The following PPP1R1C variants were observed in gnomAD, a reference collection of about 807,000 sequenced individuals.
The protein encoded by PPP1R1C is protein phosphatase 1 regulatory inhibitor subunit 1C.
Under a neutral mutation model 17.4 loss-of-function variants are expected in PPP1R1C, and 15 were observed. That is an observed-to-expected ratio of 0.86 (90% CI 0.58 to 1.33). PPP1R1C has a LOEUF of 1.33. PPP1R1C is among the 40% of genes most tolerant of loss of function. The probability of loss-of-function intolerance (pLI) is 0.00; values close to 1 mark genes in which losing one functional copy is unlikely to be tolerated. For synonymous variants in PPP1R1C, 35 were observed against 43.1 expected, an observed-to-expected ratio of 0.81 and a Z score of 0.73; for missense variants, 143 against 130.0, an observed-to-expected ratio of 1.10 and a Z score of -0.48.
intron 2 of PPP1R1C, among the ~76,000 whole-genome samples, chr2:182,010,994 C>G (rs1423363831): frequency 6.6e-6 from 1 of 152,072 alleles, no homozygotes; most frequent in Non-Finnish European, 1.5e-5. Flanking sequence ...GATGAATAAT[C>G]TTTTTAATGT....
At chr2:182,080,135 A>T (rs1688431487) in intron 4 of PPP1R1C, among the ~76,000 whole-genome samples, 1 of 152,258 alleles carries the variant, frequency 6.6e-6, no homozygotes, top group Admixed American at 6.5e-5. Context: ...CTGTTGCAGA[A>T]GTTTTAGTTA....
At chr2:182,068,771 T>C (rs572172650) in intron 4 of PPP1R1C, among the ~76,000 whole-genome samples, 1 of 152,334 alleles carries the variant, frequency 6.6e-6, no homozygotes, top group African/African-American at 2.4e-5. Context: ...TTTGGGGTGC[T>C]ATAGCAGATT....
intron 2 of PPP1R1C, among the ~76,000 whole-genome samples, chr2:181,975,567 A>G (rs1200076880): frequency 1.3e-5 from 2 of 152,112 alleles, no homozygotes; most frequent in Non-Finnish European, 2.9e-5. Context: ...AGAAAGAATT[A>G]ACAAAGCTAA....
intron 2 of PPP1R1C, among the ~76,000 whole-genome samples, chr2:181,993,579 A>G (rs1685528837): frequency 6.6e-6 from 1 of 152,338 alleles, no homozygotes; most frequent in South Asian, 2.1e-4. Flanking sequence ...AAAATGGTCC[A>G]GTGTTTGAAG....
At position 182,002,927 on chromosome 2, in the gene PPP1R1C, AC is replaced by A. The variant is rs200353111; in HGVS notation, c.142+15030del. The stretch of plus-strand genomic sequence containing the variant: ...CATACCACCAAGAGTGATGCCATAA[AC>A]CTCCCCCCCCCCACAACCCTGAAAT... On this transcript the variant is annotated intron_variant, in intron 2 of 4. Transcript: ENST00000682840. Among the ~76,000 whole-genome samples, 9 of 90,920 alleles carry A rather than the reference AC, an allele frequency of 9.9e-5. 1 individual carries two copies. The highest frequency in any genetic ancestry group is 5.3e-4 in the Admixed American group (5 of 9,472). 59.6% of individuals were successfully genotyped at this position (90,920 alleles called of 152,430 possible). A position where few individuals can be genotyped will look rare whatever the true frequency, so the allele number is the denominator to read the frequency against.
At chr2:182,124,304 G>GT (rs1177517439) in intron 5 of PPP1R1C, among the ~76,000 whole-genome samples, 1,406 of 77,586 alleles carry the variant, frequency 0.018, 14 homozygotes, top group Middle Eastern at 0.042. Flanking sequence ...CTCCAGCTTT[G>GT]TTTTTTTTTG....
chr2:182,089,792 A>G (rs1688730216), intron 4 of PPP1R1C, among the ~76,000 whole-genome samples: 1 of 152,120 alleles, frequency 6.6e-6, no homozygotes, highest in South Asian at 2.1e-4. Context: ...CTTTGTTACT[A>G]ATAAGATAAA....
At chr2:182,013,610 T>A (rs1316097706) in intron 2 of PPP1R1C, among the ~76,000 whole-genome samples, 1 of 152,154 alleles carries the variant, frequency 6.6e-6, no homozygotes, top group East Asian at 1.9e-4. Context: ...TTACTTTGAA[T>A]AAACTTTCTA....
chr2:182,074,039 T>G (rs1034839199), intron 4 of PPP1R1C, among the ~76,000 whole-genome samples: 9 of 142,224 alleles, frequency 6.3e-5, no homozygotes, highest in Non-Finnish European at 9.2e-5. Flanking sequence ...AAAATTCTTC[T>G]TCTTTTTTTT....
chr2:182,065,913 A>T (rs1051698835), intron 4 of PPP1R1C, among the ~76,000 whole-genome samples: 2 of 152,004 alleles, frequency 1.3e-5, no homozygotes, highest in African/African-American at 4.8e-5. Flanking sequence ...TATACCTGTT[A>T]TTTAGTTATT....
intron 1 of PPP1R1C, among the ~76,000 whole-genome samples, chr2:181,971,728 A>G (rs1369802838): frequency 6.6e-6 from 1 of 152,194 alleles, no homozygotes; most frequent in African/African-American, 2.4e-5. Context: ...GAGGCTTGGT[A>G]GAACTCAGGT....
At chr2:181,995,468 C>A (rs1294505675) in intron 2 of PPP1R1C, among the ~76,000 whole-genome samples, 2 of 152,190 alleles carry the variant, frequency 1.3e-5, no homozygotes, top group Non-Finnish European at 1.5e-5. Flanking sequence ...TTTTCCCACA[C>A]CACTAAATAT....
At chr2:182,041,098 T>C (rs1019555915) in intron 2 of PPP1R1C, among the ~76,000 whole-genome samples, 13 of 152,198 alleles carry the variant, frequency 8.5e-5, no homozygotes, top group African/African-American at 2.9e-4. Flanking sequence ...ACGTCCAGAT[T>C]TGTTCATTTT....
chr2:182,065,620 C>A (rs1288428808), intron 4 of PPP1R1C, among the ~76,000 whole-genome samples: 1 of 151,992 alleles, frequency 6.6e-6, no homozygotes, highest in East Asian at 1.9e-4. Flanking sequence ...ACTTGGGAGG[C>A]TGAGGTAGGA....
rs1559040251 is a variant in PPP1R1C at position 181,967,895 on chromosome 2, AG to A, written n.112-7323del. 1.3e-5 allele frequency among the ~76,000 whole-genome samples: 2 copies of A among 152,006 alleles called. No homozygotes were observed. The highest frequency in any genetic ancestry group is 6.6e-5 in the Admixed American group (1 of 15,250). On this transcript the variant is annotated intron_variant and non_coding_transcript_variant, in intron 1 of 5. Coordinates refer to the PPP1R1C transcript ENST00000464264. The surrounding 1 kb of genome is among the most constrained non-coding windows in gnomAD (Gnocchi z 5.5). The stretch of plus-strand genomic sequence containing the variant: ...CATGCCTGGCTAATTTTGTGTTTTT[AG>A]TAGAGAGGGGATTTCTTCATGTTGG...
rs546180661 is a variant in PPP1R1C, at chr2:182,022,303, G to C, written c.142+34404G>C. Among the ~76,000 whole-genome samples the C allele has an allele frequency of 3.0e-3, 459 of 152,218 alleles. 1 individual carries two copies. Among genetic ancestry groups the C allele is most frequent in the Non-Finnish European group, 5.0e-3 (343 of 68,010 alleles). ...CTAAATACCACTTTGCAAGGCTCTGGGGGGAAATCAGAGATAAAGCAAAAT... is the reference window on the plus strand; with the variant it reads ...CTAAATACCACTTTGCAAGGCTCTGCGGGGAAATCAGAGATAAAGCAAAAT... On this transcript the variant is annotated intron_variant, in intron 2 of 4. Transcript: ENST00000682840.
chr2:182,077,174 G>T (rs1235751641), intron 4 of PPP1R1C, among the ~76,000 whole-genome samples: 3 of 151,968 alleles, frequency 2.0e-5, no homozygotes, highest in Non-Finnish European at 4.4e-5. Flanking sequence ...CTCAAAGAAT[G>T]GCAAAATAGG....
rs550162126 is a variant in PPP1R1C at position 182,005,375 on chromosome 2, G to C, written c.142+17476G>C. Among the ~76,000 whole-genome samples, 21 of 152,272 alleles carry C rather than the reference G, an allele frequency of 1.4e-4. No homozygotes were observed. The South Asian group carries it at 4.4e-3, about 32-fold the overall frequency. On this transcript the variant is annotated intron_variant, in intron 2 of 4. Coordinates refer to ENST00000682840, the MANE Select transcript of PPP1R1C (RefSeq NM_001080545.3). ...CGCTCTGACAACTGCTCCACATATA[G>C]GGGTTCTAAGGAATAGCTAATCTTA...
At chr2:182,126,883 A>G (rs548524406) in intron 5 of PPP1R1C, among the ~76,000 whole-genome samples, 108 of 152,204 alleles carry the variant, frequency 7.1e-4, no homozygotes, top group African/African-American at 2.6e-3. Flanking sequence ...TGTAACTTGG[A>G]GACAAGGGAA....
Sources: allele counts gnomAD v4.1 joint callset (sites outside exome capture counted in the v4.1 genomes callset), GRCh38; gene constraint gnomAD v4.1.1; non-coding constraint Gnocchi (gnomAD v3.1); transcripts MANE v1.5; gene names NCBI Gene and HGNC (gene_info 2026-07-23, HGNC 2026-07-21).